CACNA1E: variants seen among roughly 807,000 people sequenced by gnomAD.
CACNA1E encodes voltage-dependent R-type calcium channel subunit alpha-1E.
A neutral mutation model predicts 259.2 loss-of-function variants in CACNA1E; 40 were observed. The ratio of observed to expected loss-of-function variants is 0.15; its 90% CI spans 0.12 to 0.20. The LOEUF is 0.20. Ranked by LOEUF, CACNA1E falls within the 10% of genes least tolerant of loss-of-function variation. The probability of loss-of-function intolerance (pLI) is 1.00; values close to 1 mark genes in which losing one functional copy is unlikely to be tolerated. For synonymous variants in CACNA1E, 1,104 were observed against 1,138.5 expected (o/e 0.97, Z 0.61); for missense variants, 1,874 against 3,040.1 (o/e 0.62, Z 9.02).
intron 3 of CACNA1E, among the ~76,000 whole-genome samples, chr1:181,573,093 C>T (rs897602330): frequency 2.0e-5 from 3 of 152,064 alleles, no homozygotes; most frequent in African/African-American, 7.2e-5. Context: ...CTGATCTTAC[C>T]ATTTATTAGC....
chr1:181,365,715 G>A (rs1356735388), intron 1 of CACNA1E, among the ~76,000 whole-genome samples: 1 of 152,210 alleles, frequency 6.6e-6, no homozygotes, highest in African/African-American at 2.4e-5. Context: ...AGCTGTATTT[G>A]CTTTGTTGGG....
At chr1:181,544,327 T>C (rs1399076510) in intron 3 of CACNA1E, among the ~76,000 whole-genome samples, 8 of 152,136 alleles carry the variant, frequency 5.3e-5, no homozygotes, top group Non-Finnish European at 1.2e-4. Context: ...GGTAATGGGT[T>C]TGGAGTTTTT....
chr1:181,465,226 TTCCTC>T (rs1202974498), intron 2 of CACNA1E, among the ~76,000 whole-genome samples: 21 of 152,192 alleles, frequency 1.4e-4, no homozygotes, highest in Admixed American at 9.2e-4. Flanking sequence ...TAATCTGTCT[TTCCTC>T]TCAGGATGCT....
At chr1:181,412,638 G>A (rs1306346293) in intron 1 of CACNA1E, among the ~76,000 whole-genome samples, 1 of 152,130 alleles carries the variant, frequency 6.6e-6, no homozygotes, top group Non-Finnish European at 1.5e-5. Flanking sequence ...GCAGCAGGTG[G>A]TGGTGGCAAT....
intron 7 of CACNA1E, 26 bp downstream of exon 7, chr1:181,651,467 A>C: frequency 3.3e-6 from 5 of 1,514,434 alleles, no homozygotes; most frequent in Non-Finnish European, 4.6e-6. Flanking sequence ...CTCTCTTCTT[A>C]ACTCATTTGC....
At position 181,335,889 on chromosome 1, in the gene CACNA1E, C is replaced by T. The variant is rs149790187; in HGVS notation, c.-15+17766C>T. Among the ~76,000 whole-genome samples, 306 of 152,302 alleles carry T rather than the reference C, an allele frequency of 2.0e-3. 1 individual carries two copies. Among genetic ancestry groups the T allele is most frequent in the Non-Finnish European group, 3.6e-3 (247 of 68,022 alleles). On this transcript the variant is annotated intron_variant, in intron 1 of 11. Transcript: ENST00000524607. ...CTCATAGTCCAGTCCTTGGCCCCCA[C>T]CCTAGAGCACCACAGACTGTCTGAG...
chr1:181,743,244 G>A (rs998714227), intron 25 of CACNA1E, among the ~76,000 whole-genome samples: 10 of 152,178 alleles, frequency 6.6e-5, no homozygotes, highest in African/African-American at 2.4e-4. Flanking sequence ...TGTACTTTGA[G>A]GTCTCAAGAA....
chr1:181,589,150 A>G (rs1444722446), intron 6 of CACNA1E, among the ~76,000 whole-genome samples: 3 of 152,106 alleles, frequency 2.0e-5, no homozygotes, highest in East Asian at 1.9e-4. Flanking sequence ...AGGTAGGAGG[A>G]AGGAATCTGT....
chr1:181,521,920 A>G (rs1432663789), intron 3 of CACNA1E, among the ~76,000 whole-genome samples: 1 of 152,158 alleles, frequency 6.6e-6, no homozygotes, highest in African/African-American at 2.4e-5. Context: ...AGGGGACCAC[A>G]GTGATTGTAA....
intron 3 of CACNA1E, among the ~76,000 whole-genome samples, chr1:181,564,357 T>C (rs1166140211): frequency 6.6e-6 from 1 of 152,176 alleles, no homozygotes; most frequent in Non-Finnish European, 1.5e-5. Context: ...TCATCAGGAG[T>C]AGATTTTACC....
intron 1 of CACNA1E, among the ~76,000 whole-genome samples, chr1:181,389,311 A>G (rs950113671): frequency 3.9e-5 from 6 of 152,202 alleles, no homozygotes; most frequent in South Asian, 2.1e-4. Context: ...ATAGACCACA[A>G]AAGGGGCCCT....
chr1:181,408,705 A>G (rs988291900), intron 1 of CACNA1E, among the ~76,000 whole-genome samples: 1 of 152,158 alleles, frequency 6.6e-6, no homozygotes, highest in Admixed American at 6.5e-5. Flanking sequence ...TTAAAATCAC[A>G]CCCTCTGCTC....
intron 6 of CACNA1E, among the ~76,000 whole-genome samples, chr1:181,616,731 A>G (rs1278069634): frequency 1.3e-5 from 2 of 151,984 alleles, no homozygotes; most frequent in African/African-American, 2.4e-5. Flanking sequence ...AAAACAAAAC[A>G]AACAAACAAA....
At chr1:181,796,497 C>T (rs1338250852) in intron 46 of CACNA1E, among the ~76,000 whole-genome samples, 171 bp from the exon 47 acceptor site, 1 of 152,088 alleles carries the variant, frequency 6.6e-6, no homozygotes, top group African/African-American at 2.4e-5. Flanking sequence ...AATACCATAC[C>T]ATCAGGAACA....
chr1:181,565,663 G>A (rs1320952699), intron 3 of CACNA1E, among the ~76,000 whole-genome samples: 1 of 152,242 alleles, frequency 6.6e-6, no homozygotes, highest in Non-Finnish European at 1.5e-5. Context: ...AGGAAGAGGA[G>A]GGACTGGTAG....
chr1:181,651,268 CT>C, intron 6 of CACNA1E, 69 bp from the exon 7 acceptor site: 2 of 998,290 alleles, frequency 2.0e-6, no homozygotes, highest in Admixed American at 3.6e-5. Context: ...CTCTGTGCAG[CT>C]GCAAGAATGT....
chr1:181,755,198 A>G (rs1272161391), intron 27 of CACNA1E, 39 bp from the exon 28 acceptor site: 1 of 1,585,898 alleles, frequency 6.3e-7, no homozygotes, highest in Non-Finnish European at 8.6e-7. Flanking sequence ...GCAGACCATC[A>G]CAGGGTTCAC....
chr1:181,747,248 C>T (rs1271632407), intron 25 of CACNA1E, among the ~76,000 whole-genome samples: 2 of 152,342 alleles, frequency 1.3e-5, no homozygotes, highest in Non-Finnish European at 2.9e-5. Flanking sequence ...AACCTGATGT[C>T]CCTGCTCTGC....
intron 2 of CACNA1E, among the ~76,000 whole-genome samples, chr1:181,446,108 G>A (rs1660773271): frequency 6.6e-6 from 1 of 152,190 alleles, no homozygotes; most frequent in South Asian, 2.1e-4. Context: ...CACTAGCAGG[G>A]CTGACCTCAG....
Sources: allele counts gnomAD v4.1 joint callset (sites outside exome capture counted in the v4.1 genomes callset), GRCh38; gene constraint gnomAD v4.1.1; transcripts MANE v1.5; gene names NCBI Gene and HGNC (gene_info 2026-07-23, HGNC 2026-07-21).